CFAP92: variants seen among roughly 807,000 people sequenced by gnomAD.
CFAP92 encodes the protein uncharacterized protein CFAP92.
CFAP92 carries 86 observed loss-of-function variants against 106.3 expected under a neutral mutation model. That is an observed-to-expected ratio of 0.81 (90% CI 0.68 to 0.97). CFAP92 has a LOEUF of 0.97. Among genes scored for constraint, CFAP92 ranks in the 50% least tolerant of loss-of-function variants. The pLI is 0.00. For synonymous variants in CFAP92, 477 were observed against 506.4 expected, an observed-to-expected ratio of 0.94 and a Z score of 0.78; for missense variants, 1,204 against 1,283.8, an observed-to-expected ratio of 0.94 and a Z score of 0.95.
chr3:128,953,566 G>C (rs374140636), intron 9 of CFAP92, among the ~76,000 whole-genome samples: 4 of 135,522 alleles, frequency 3.0e-5, no homozygotes, highest in African/African-American at 1.2e-4. Context: ...GCAGCAACAC[G>C]GTCTCCCTCT....
chr3:128,962,793 T>G lies in CFAP92; in HGVS notation c.1353+2718A>C, dbSNP rs1942046006. ...TAAACTCTCCTTACCATTCCCCCAT[T>G]TTACCTGTCCTAAAACCAGACAAGG... On this transcript the variant is annotated intron_variant, in intron 9 of 15. Coordinates refer to ENST00000645291, the MANE Select transcript of CFAP92 (RefSeq NM_001394090.1). Among the ~76,000 whole-genome samples the G allele has an allele frequency of 2.6e-5, 4 of 152,104 alleles. No homozygotes were observed. The South Asian group carries it at 6.2e-4, about 24-fold the overall frequency.
At chr3:129,004,900 G>T (rs1945000950), upstream of CFAP92, among the ~76,000 whole-genome samples, 1 of 152,154 alleles carries the variant, frequency 6.6e-6, no homozygotes, top group Non-Finnish European at 1.5e-5. Context: ...GTGAGTGTGG[G>T]CAAGTCACCA....
chr3:129,024,826 G>A, the CFAP92 span, among the ~76,000 whole-genome samples: 16 of 152,194 alleles, frequency 1.1e-4, no homozygotes, highest in South Asian at 1.2e-3. Context: ...TTTCCAACAC[G>A]TGAACTTTGG....
intron 1 of CFAP92, among the ~76,000 whole-genome samples, chr3:128,999,569 C>T (rs2341299): frequency 0.16 from 20,991 of 131,432 alleles, 2,037 homozygotes; most frequent in East Asian, 0.56. Context: ...GACGGAGTCT[C>T]GCTCTGTCGC....
At position 128,945,793 on chromosome 3, in the gene CFAP92, G is replaced by A. The variant is rs780554053; in HGVS notation, c.1536C>T (p.His512=). Residue 512 remains histidine, a synonymous_variant, in exon 10 of 16, where the codon CAC becomes CAT. Transcript: ENST00000645291. The part of the protein sequence containing the change: ...LEGPPMVVEV[H]DRDRKSEECS... ...ACTCCTCTGACTTGCGGTCCCGGTC[G>A]TGAACTTCCACCACCATGGGGGGGC... 57 of 1,527,274 alleles carry A rather than the reference G, an allele frequency of 3.7e-5. No individual in the cohort carries two copies. The South Asian group carries it at 4.0e-4, about 11-fold the overall frequency. 94.6% of individuals were successfully genotyped at this position (1,527,274 alleles called of 1,614,324 possible).
intron 12 of CFAP92, among the ~76,000 whole-genome samples, chr3:128,932,398 T>C (rs59400446): frequency 0.041 from 4,284 of 104,934 alleles, 101 homozygotes; most frequent in South Asian, 0.15. Flanking sequence ...CACACACACA[T>C]GCCACAGTTC....
At chr3:128,914,822 G>C (rs967820560) in intron 15 of CFAP92, 1 of 352,278 alleles carries the variant, frequency 2.8e-6, no homozygotes, top group Non-Finnish European at 5.3e-6. Context: ...AGCTCAGGAA[G>C]CCTTTAGACC....
chr3:128,975,935 A>C, intron 6 of CFAP92, 32 bp from the exon 7 acceptor site: 1 of 1,577,304 alleles, frequency 6.3e-7, no homozygotes, highest in Non-Finnish European at 8.6e-7. Context: ...AAATTAATGA[A>C]GGTGAAAAAA....
chr3:128,942,692 TG>T (rs1939766077), intron 10 of CFAP92, among the ~76,000 whole-genome samples: 1 of 151,314 alleles, frequency 6.6e-6, no homozygotes. Flanking sequence ...TTTTTTTTTT[TG>T]AGATGGAATC....
At chr3:128,912,937 G>T (rs1398111131) in intron 15 of CFAP92, 1 of 522,414 alleles carries the variant, frequency 1.9e-6, no homozygotes, top group Non-Finnish European at 3.7e-6. Flanking sequence ...AGGGTGTGAG[G>T]TGGGTGGGGA....
At chr3:128,918,094 C>CA (rs1405174952) in intron 12 of CFAP92, among the ~76,000 whole-genome samples, 3 of 152,216 alleles carry the variant, frequency 2.0e-5, no homozygotes, top group African/African-American at 7.2e-5. Flanking sequence ...AAGTTAACTT[C>CA]AACCTACAAT....
At chr3:129,025,422 T>C in the CFAP92 span, among the ~76,000 whole-genome samples, 1 of 152,172 alleles carries the variant, frequency 6.6e-6, no homozygotes, top group South Asian at 2.1e-4. Context: ...CCTTTCTCTT[T>C]AGGCCAAGTC....
In CFAP92 at chr3:128,935,564, T is replaced by C. The variant is rs186225133; in HGVS notation, c.2259-245A>G. On this transcript the variant is annotated intron_variant, in intron 10 of 15. Coordinates refer to ENST00000645291, the MANE Select transcript of CFAP92 (RefSeq NM_001394090.1). Reference sequence around the variant, plus strand: ...CCATCTCTAGTAAAAAATACAAAATTAGCCGGGCGTGGTGGCACATGTCTG... The same window carrying C: ...CCATCTCTAGTAAAAAATACAAAATCAGCCGGGCGTGGTGGCACATGTCTG... Among the ~76,000 whole-genome samples the C allele has an allele frequency of 1.4e-4, 22 of 151,958 alleles. No individual in the cohort carries two copies. The East Asian group carries it at 2.3e-3, about 16-fold the overall frequency.
intron 12 of CFAP92, among the ~76,000 whole-genome samples, chr3:128,930,000 T>C (rs1176575298): frequency 6.6e-6 from 1 of 152,162 alleles, no homozygotes; most frequent in Non-Finnish European, 1.5e-5. Flanking sequence ...GAATAGGAAA[T>C]TTAAAGCCAT....
intron 12 of CFAP92, among the ~76,000 whole-genome samples, chr3:128,924,009 T>G (rs1266359205): frequency 6.6e-6 from 1 of 152,200 alleles, no homozygotes; most frequent in African/African-American, 2.4e-5. Context: ...ATTATGTGTT[T>G]GTGCTGTCTC....
chr3:128,990,407 G>A (rs1944139987), intron 2 of CFAP92, among the ~76,000 whole-genome samples: 2 of 152,246 alleles, frequency 1.3e-5, no homozygotes, highest in South Asian at 4.1e-4. Flanking sequence ...TGAGGCAGGA[G>A]AATCGCTTGA....
intron 1 of CFAP92, chr3:129,001,870 C>A: frequency 2.6e-6 from 4 of 1,545,648 alleles, no homozygotes; most frequent in Non-Finnish European, 2.6e-6. Flanking sequence ...GACTTCCGAG[C>A]GCTCTGCGCT....
chr3:128,964,377 C>A (rs965801108), intron 9 of CFAP92, among the ~76,000 whole-genome samples: 1 of 152,126 alleles, frequency 6.6e-6, no homozygotes, highest in African/African-American at 2.4e-5. Flanking sequence ...TGAGACTGTG[C>A]CCCCAAAAAA....
At chr3:128,979,118 C>T (rs1360195814) in intron 4 of CFAP92, among the ~76,000 whole-genome samples, 1 of 152,134 alleles carries the variant, frequency 6.6e-6, no homozygotes, top group Non-Finnish European at 1.5e-5. Context: ...AAAAACAACC[C>T]CATCAACAAG....
Sources: gnomAD v4.1 joint callset for allele counts (sites outside exome capture counted in the v4.1 genomes callset) on GRCh38, gnomAD v4.1.1 for gene constraint, MANE v1.5 for transcripts, NCBI Gene and HGNC (gene_info 2026-07-23, HGNC 2026-07-21) for gene names.